C8orf34: variants seen among roughly 807,000 people sequenced by gnomAD.
The protein encoded by C8orf34 is chromosome 8 open reading frame 34.
Under a neutral mutation model 68.3 loss-of-function variants are expected in C8orf34, and 65 were observed. The observed-to-expected ratio is 0.95, with a 90% CI of 0.78 to 1.17. The LOEUF is 1.17. C8orf34 is among the 50% of genes most tolerant of loss of function. C8orf34 has a pLI of 0.00. For synonymous variants in C8orf34, 244 were observed against 241.2 expected, an observed-to-expected ratio of 1.01 and a Z score of -0.11; for missense variants, 664 against 655.4, an observed-to-expected ratio of 1.01 and a Z score of -0.14.
intron 10 of C8orf34, among the ~76,000 whole-genome samples, chr8:68,748,215 A>T (rs9772114): frequency 9.0e-6 from 1 of 111,140 alleles, no homozygotes; most frequent in South Asian, 2.8e-4. Flanking sequence ...CCCTTCCTTA[A>T]ACCTTATACA....
At chr8:68,625,113 G>C (rs2130660728) in intron 7 of C8orf34, among the ~76,000 whole-genome samples, 1 of 152,202 alleles carries the variant, frequency 6.6e-6, no homozygotes, top group South Asian at 2.1e-4. Context: ...CTCTTAGAAG[G>C]TGAACTTTGA....
intron 1 of C8orf34, among the ~76,000 whole-genome samples, chr8:68,392,520 T>C (rs945980952): frequency 6.0e-5 from 9 of 150,984 alleles, no homozygotes; most frequent in Non-Finnish European, 1.2e-4. Flanking sequence ...TCTCAGAATA[T>C]AAAAAAAATG....
At chr8:68,384,184 T>A (rs1808158087) in intron 1 of C8orf34, among the ~76,000 whole-genome samples, 1 of 152,252 alleles carries the variant, frequency 6.6e-6, no homozygotes. Context: ...TTTGTTTACA[T>A]CTAAAGTCAA....
intron 7 of C8orf34, among the ~76,000 whole-genome samples, chr8:68,626,724 A>G (rs901928762): frequency 1.3e-5 from 2 of 152,222 alleles, no homozygotes; most frequent in Non-Finnish European, 2.9e-5. Context: ...GATCTTATTT[A>G]TTGACACAGG....
At chr8:68,614,638 A>C (rs1454544379) in intron 7 of C8orf34, among the ~76,000 whole-genome samples, 2 of 152,084 alleles carry the variant, frequency 1.3e-5, no homozygotes, top group African/African-American at 4.8e-5. Flanking sequence ...GTTGTGTTCC[A>C]TTGATCTATA....
intron 9 of C8orf34, among the ~76,000 whole-genome samples, chr8:68,719,031 T>C (rs998105012): frequency 6.6e-6 from 1 of 152,110 alleles, no homozygotes; most frequent in Non-Finnish European, 1.5e-5. Context: ...AAGAAATTGC[T>C]CTGGAATAGA....
intron 10 of C8orf34, among the ~76,000 whole-genome samples, chr8:68,748,448 C>A (rs1260279442): frequency 6.7e-6 from 1 of 149,496 alleles, no homozygotes; most frequent in Non-Finnish European, 1.5e-5. Flanking sequence ...AGTGAACAGG[C>A]AACCTACAAA....
intron 7 of C8orf34, among the ~76,000 whole-genome samples, chr8:68,589,995 TA>T (rs1312632735): frequency 1.5e-5 from 2 of 134,664 alleles, no homozygotes. Context: ...ATCCATGGTA[TA>T]AAAAATAAGA....
intron 10 of C8orf34, among the ~76,000 whole-genome samples, chr8:68,774,944 TAAAAAAA>T (rs1224756627): frequency 1.1e-4 from 5 of 44,682 alleles, no homozygotes; most frequent in African/African-American, 3.7e-4. Context: ...CTGTCTCCAC[TAAAAAAA>T]AAAAAAAAAA....
chr8:68,432,717 G>C (rs924022666), intron 1 of C8orf34, among the ~76,000 whole-genome samples: 4 of 151,980 alleles, frequency 2.6e-5, no homozygotes, highest in African/African-American at 9.7e-5. Flanking sequence ...AACCACTAGG[G>C]GACAGTCTGA....
intron 5 of C8orf34, among the ~76,000 whole-genome samples, chr8:68,490,012 A>G (rs577172565): frequency 3.3e-5 from 5 of 152,284 alleles, no homozygotes; most frequent in African/African-American, 9.6e-5. Flanking sequence ...ACCATACTCA[A>G]TGGCAAGTGC....
At chr8:68,361,168 G>A (rs956272105) in intron 1 of C8orf34, among the ~76,000 whole-genome samples, 1 of 152,184 alleles carries the variant, frequency 6.6e-6, no homozygotes, top group Non-Finnish European at 1.5e-5. Context: ...CACCTTGAAA[G>A]GAGTGAGGGA....
At chr8:68,635,793 A>G (rs1818822532) in intron 7 of C8orf34, among the ~76,000 whole-genome samples, 1 of 152,202 alleles carries the variant, frequency 6.6e-6, no homozygotes, top group African/African-American at 2.4e-5. Context: ...TTGATGAGAA[A>G]CACACTCTCC....
At chr8:68,575,458 A>C (rs2130302010) in intron 7 of C8orf34, among the ~76,000 whole-genome samples, 1 of 152,134 alleles carries the variant, frequency 6.6e-6, no homozygotes, top group Non-Finnish European at 1.5e-5. Flanking sequence ...ATTACTGCCT[A>C]CTCGTGTTTT....
chr8:68,807,529 A>G (rs975913495), intron 12 of C8orf34, among the ~76,000 whole-genome samples: 11 of 151,984 alleles, frequency 7.2e-5, no homozygotes, highest in Non-Finnish European at 1.2e-4. Context: ...AAAATTCTAG[A>G]TATTATCTTT....
At chr8:68,756,073 AC>A (rs1395588245) in intron 10 of C8orf34, among the ~76,000 whole-genome samples, 1 of 110,956 alleles carries the variant, frequency 9.0e-6, no homozygotes, top group African/African-American at 4.7e-5. Context: ...TCTAAAAAAA[AC>A]AAACAAAAAA....
chr8:68,570,743 C>G (rs114708373), intron 7 of C8orf34, among the ~76,000 whole-genome samples: 2,273 of 152,276 alleles, frequency 0.015, 35 homozygotes, highest in African/African-American at 0.027. Flanking sequence ...AATGTGGAAT[C>G]TCAGTGCCAA....
intron 3 of C8orf34, among the ~76,000 whole-genome samples, chr8:68,464,126 C>A (rs948587203): frequency 1.3e-5 from 2 of 152,152 alleles, no homozygotes; most frequent in Non-Finnish European, 1.5e-5. Context: ...ACAAAAATCA[C>A]AAGCATTCTT....
At chr8:68,790,447 T>G (rs1428333100) in intron 12 of C8orf34, among the ~76,000 whole-genome samples, 1 of 152,206 alleles carries the variant, frequency 6.6e-6, no homozygotes, top group African/African-American at 2.4e-5. Flanking sequence ...GACAAGATCA[T>G]CTTGGCAGAT....
Sources: gnomAD v4.1 joint callset for allele counts (sites outside exome capture counted in the v4.1 genomes callset) on GRCh38, gnomAD v4.1.1 for gene constraint, MANE v1.5 for transcripts, NCBI Gene and HGNC (gene_info 2026-07-23, HGNC 2026-07-21) for gene names.